RLF: variants seen among roughly 807,000 people sequenced by gnomAD.
RLF encodes the protein RLF zinc finger.
In RLF, 7 loss-of-function variants were observed where a neutral mutation model predicts 162.9. The ratio of observed to expected loss-of-function variants is 0.04; its 90% CI spans 0.02 to 0.08. The LOEUF is 0.08. RLF is among the 10% of genes least tolerant of loss of function. RLF has a pLI of 1.00. For missense variants in RLF, 1,664 were observed against 2,244.7 expected (o/e 0.74, Z 5.23); for synonymous variants, 782 against 791.5 (o/e 0.99, Z 0.20).
intron 5 of RLF, among the ~76,000 whole-genome samples, chr1:40,203,905 T>C (rs1042287094): frequency 6.6e-6 from 1 of 152,272 alleles, no homozygotes; most frequent in African/African-American, 2.4e-5. Flanking sequence ...CCAGGATCAA[T>C]CAAGATCTAT....
Position 40,178,122 on chromosome 1 carries a change from T to C in RLF, c.238-10933T>C, listed in dbSNP as rs567672645. Among the ~76,000 whole-genome samples, 7 of 152,080 alleles carry C rather than the reference T, an allele frequency of 4.6e-5. 1 individual carries two copies. The highest frequency in any genetic ancestry group is 1.7e-4 in the African/African-American group (7 of 41,524). ...TATATATGAGTGTTATATAAATATATCTATAGCTATGTATATGAGTGATTT... is the reference window on the plus strand; with the variant it reads ...TATATATGAGTGTTATATAAATATACCTATAGCTATGTATATGAGTGATTT... On this transcript the variant is annotated intron_variant, in intron 1 of 7. Coordinates refer to ENST00000372771, the MANE Select transcript of RLF (RefSeq NM_012421.4).
intron 2 of RLF, among the ~76,000 whole-genome samples, chr1:40,189,528 C>T (rs1294574990): frequency 6.6e-6 from 1 of 152,162 alleles, no homozygotes; most frequent in Non-Finnish European, 1.5e-5. Context: ...CCTTGAAGAA[C>T]ATCTTGGCAA....
intron 3 of RLF, among the ~76,000 whole-genome samples, chr1:40,194,243 A>G (rs1014064354): frequency 6.6e-6 from 1 of 152,222 alleles, no homozygotes; most frequent in Admixed American, 6.5e-5. Context: ...CAATTATATA[A>G]TGATTTGTGT....
At chr1:40,196,568 T>G (rs1642640260) in intron 4 of RLF, among the ~76,000 whole-genome samples, 1 of 152,208 alleles carries the variant, frequency 6.6e-6, no homozygotes, top group African/African-American at 2.4e-5. Context: ...GGCACAATTA[T>G]GGCTCACTGC....
chr1:40,172,558 G>T (rs933593208), intron 1 of RLF, among the ~76,000 whole-genome samples: 5 of 152,202 alleles, frequency 3.3e-5, no homozygotes, highest in African/African-American at 1.2e-4. Context: ...GCTGAGGCGG[G>T]TGGATCACCT....
intron 1 of RLF, among the ~76,000 whole-genome samples, chr1:40,175,320 A>G (rs189726464): frequency 5.2e-4 from 79 of 152,256 alleles, no homozygotes; most frequent in African/African-American, 1.9e-3. Flanking sequence ...AATGGAGAAC[A>G]TATATGTATA....
In RLF at chr1:40,238,189, A is replaced by G. The variant is rs1165780327; in HGVS notation, c.3487A>G (p.Thr1163Ala). 1.9e-6 allele frequency: 3 copies of G among 1,614,072 alleles called. No individual in the cohort carries two copies. Among genetic ancestry groups the G allele is most frequent in the African/African-American group, 2.7e-5 (2 of 75,048 alleles). ...NYSKEKVLQL[T>A]MFQHRYSPFQ... ...TTCAAAAGAAAAAGTCCTTCAGTTAACCATGTTCCAACATCGGTATTCCCC... is the reference window on the plus strand; with the variant it reads ...TTCAAAAGAAAAAGTCCTTCAGTTAGCCATGTTCCAACATCGGTATTCCCC... The change falls in exon 8 of 8, where the codon ACC becomes GCC. Residue 1163 changes from threonine to alanine, a missense_variant. Transcript: ENST00000372771. The surrounding 1 kb of genome is among the most constrained non-coding windows in gnomAD (Gnocchi z 5.2).
In RLF at chr1:40,238,107, A is replaced by C; in HGVS notation, c.3405A>C (p.Lys1135Asn). 6.2e-7 allele frequency: 1 copy of C among 1,614,044 alleles called. No homozygotes were observed. Among genetic ancestry groups the C allele is most frequent in the Non-Finnish European group, 8.5e-7 (1 of 1,179,972 alleles). ...KPFFCELQGC[K>N]YEFVTREALL... ...TTTTCTGTGAGCTTCAAGGATGCAAATATGAATTTGTGACCAGAGAGGCTC... is the reference window on the plus strand; with the variant it reads ...TTTTCTGTGAGCTTCAAGGATGCAACTATGAATTTGTGACCAGAGAGGCTC... Residue 1135 changes from lysine (K) to asparagine (N), a missense_variant, in exon 8 of 8, where the codon AAA becomes AAC. By Grantham distance (94) the Lys-to-Asn change is moderately conservative. Transcript: ENST00000372771. This position sits in a 1 kb window ranked among gnomAD's most constrained non-coding sequence, Gnocchi z 5.2.
In RLF at chr1:40,171,294, A is replaced by T. The variant is rs528618352; in HGVS notation, c.237+9658A>T. On this transcript the variant is annotated intron_variant, in intron 1 of 7. Transcript: ENST00000372771. ...TCCTCCCACCTCAGCCTCCCAAGGCACTGGGATTAGAGGCGTGAGCCACCA... is the reference window on the plus strand; with the variant it reads ...TCCTCCCACCTCAGCCTCCCAAGGCTCTGGGATTAGAGGCGTGAGCCACCA... Among the ~76,000 whole-genome samples, 14 of 152,286 alleles carry T rather than the reference A, an allele frequency of 9.2e-5. No individual in the cohort carries two copies. The South Asian group carries it at 2.9e-3, about 32-fold the overall frequency.
chr1:40,163,843 G>T (rs945014679), intron 1 of RLF, among the ~76,000 whole-genome samples: 3 of 152,056 alleles, frequency 2.0e-5, no homozygotes, highest in African/African-American at 4.8e-5. Context: ...GAAAATTTGT[G>T]TACAAGTCTT....
intron 6 of RLF, among the ~76,000 whole-genome samples, chr1:40,225,599 G>A (rs9439016): frequency 0.081 from 11,169 of 137,756 alleles, 568 homozygotes; most frequent in East Asian, 0.23. Flanking sequence ...AAAAAAAGCC[G>A]GGCGCGGTGG....
Position 40,239,062 on chromosome 1 carries a change from A to G in RLF, c.4360A>G (p.Ile1454Val). The G allele has an allele frequency of 1.2e-6, 2 of 1,614,182 alleles. No individual in the cohort carries two copies. Among genetic ancestry groups the G allele is most frequent in the East Asian group, 4.5e-5 (2 of 44,884 alleles). The change falls in exon 8 of 8, where the codon ATT becomes GTT. Residue 1454 changes from isoleucine to valine, a missense_variant. Physicochemically the swap from Ile to Val is conservative, Grantham distance 29 (BLOSUM62 3). This residue lies in a region of RLF where 200 missense variants were observed against 207.3 expected (regional missense o/e 0.96). Coordinates refer to ENST00000372771, the MANE Select transcript of RLF (RefSeq NM_012421.4). ...IHCDLNGCGQ[I>V]FTHRSNYSQH... ...TTGTGATCTTAATGGCTGTGGCCAGATTTTCACCCATCGCAGTAATTACTC... is the reference window on the plus strand; with the variant it reads ...TTGTGATCTTAATGGCTGTGGCCAGGTTTTCACCCATCGCAGTAATTACTC...
chr1:40,196,983 T>G (rs1453851486), intron 4 of RLF, among the ~76,000 whole-genome samples: 2 of 152,240 alleles, frequency 1.3e-5, no homozygotes, highest in East Asian at 1.9e-4. Flanking sequence ...CATTTTTTGC[T>G]ATAAAAACAG....
chr1:40,178,991 C>T (rs898427680), intron 1 of RLF, among the ~76,000 whole-genome samples: 3 of 152,030 alleles, frequency 2.0e-5, no homozygotes, highest in African/African-American at 4.8e-5. Flanking sequence ...TGTGCCACCA[C>T]GCCCGGCTAA....
chr1:40,210,367 G>T (rs1435018850), intron 5 of RLF, among the ~76,000 whole-genome samples: 1 of 152,146 alleles, frequency 6.6e-6, no homozygotes, highest in African/African-American at 2.4e-5. Context: ...GTAATGGTGG[G>T]GTTTGGATGG....
At chr1:40,231,243 AAAT>A (rs1270543615) in intron 6 of RLF, among the ~76,000 whole-genome samples, 1 of 152,186 alleles carries the variant, frequency 6.6e-6, no homozygotes, top group African/African-American at 2.4e-5. Flanking sequence ...CATGGGATCT[AAAT>A]AAGTTTTTTT....
chr1:40,238,637 G>A lies in RLF; in HGVS notation c.3935G>A (p.Cys1312Tyr), dbSNP rs1479360070. 1 of 1,613,372 alleles carries A rather than the reference G, an allele frequency of 6.2e-7. No individual in the cohort carries two copies. Among genetic ancestry groups the A allele is most frequent in the South Asian group, 1.1e-5 (1 of 91,022 alleles). The change falls in exon 8 of 8, where the codon TGT becomes TAT. Residue 1312 changes from cysteine (C) to tyrosine (Y), a missense_variant. Cys to Tyr is a radical substitution (Grantham distance 194, BLOSUM62 -2). Coordinates refer to ENST00000372771, the MANE Select transcript of RLF (RefSeq NM_012421.4). This position sits in a 1 kb window ranked among gnomAD's most constrained non-coding sequence, Gnocchi z 5.2. ...ILNKYHKPFH[C>Y]IHKTCNSSFT... ...AATAAATACCACAAACCATTCCATT[G>A]TATTCATAAAACTTGCAACTCCTCA...
chr1:40,221,061 G>A (rs143327991), intron 5 of RLF, among the ~76,000 whole-genome samples: 2 of 151,630 alleles, frequency 1.3e-5, no homozygotes, highest in East Asian at 1.9e-4. Flanking sequence ...GAGCCCAGAA[G>A]TATGGAAACT....
At chr1:40,208,640 C>T (rs1436528219) in intron 5 of RLF, among the ~76,000 whole-genome samples, 3 of 151,780 alleles carry the variant, frequency 2.0e-5, no homozygotes, top group Non-Finnish European at 4.4e-5. Context: ...CATGGTGAAA[C>T]CCCATCTCTA....
Sources: allele counts gnomAD v4.1 joint callset (sites outside exome capture counted in the v4.1 genomes callset), GRCh38; gene constraint gnomAD v4.1.1; regional missense constraint gnomAD v4.1.1; non-coding constraint Gnocchi (gnomAD v3.1); transcripts MANE v1.5; gene names NCBI Gene and HGNC (gene_info 2026-07-23, HGNC 2026-07-21).